Variants in KANK1 observed in about 807,000 individuals in gnomAD.
KANK1 encodes KN motif and ankyrin repeat domain-containing protein 1.
KANK1 carries 109 observed loss-of-function variants against 106.2 expected under a neutral mutation model. The observed-to-expected ratio is 1.03, with a 90% confidence interval of 0.88 to 1.20. The LOEUF is 1.20. KANK1 is among the 50% of genes most tolerant of loss of function. The pLI, the probability that KANK1 is intolerant of heterozygous loss-of-function variation, is 0.00. For synonymous variants in KANK1, 873 were observed against 652.2 expected (o/e 1.34, Z -5.16); for missense variants, 2,399 against 1,710.7 (o/e 1.40, Z -7.10).
rs567409190 is a variant in KANK1, at chr9:724,041, C to A, written c.2699-6010C>A. Among the ~76,000 whole-genome samples, 6 of 150,764 alleles carry A rather than the reference C, an allele frequency of 4.0e-5. No individual in the cohort carries two copies. In the South Asian group the frequency reaches 1.3e-3, roughly 32 times the overall value. On this transcript the variant is annotated intron_variant, in intron 3 of 11. Transcript: ENST00000382297. ...TTGATTAAGCCTGGGAGACAGGTTG[C>A]GGTGAGCAGAGATCACGCCACTGCA...
chr9:497,430 T>TCACACACACACACA (rs112024846), intron 3 of KANK1, among the ~76,000 whole-genome samples: 25 of 150,832 alleles, frequency 1.7e-4, no homozygotes, highest in African/African-American at 5.4e-4. Flanking sequence ...ATGTGACTCT[T>TCACACACACACACA]CACACACACA....
intron 7 of KANK1, among the ~76,000 whole-genome samples, chr9:736,571 T>C (rs1833854727): frequency 6.6e-6 from 1 of 151,972 alleles, no homozygotes; most frequent in African/African-American, 2.4e-5. Flanking sequence ...TGATGGCATG[T>C]ACCCATGGTC....
intron 1 of KANK1, among the ~76,000 whole-genome samples, chr9:522,567 G>A (rs1052550395): frequency 1.3e-5 from 2 of 151,728 alleles, no homozygotes; most frequent in African/African-American, 4.9e-5. Flanking sequence ...GGGTCCTGGT[G>A]TACCCCAGGG....
intron 1 of KANK1, among the ~76,000 whole-genome samples, chr9:643,063 G>C (rs1272225539): frequency 6.6e-6 from 1 of 150,688 alleles, no homozygotes; most frequent in Admixed American, 6.6e-5. Context: ...AATAGCACAG[G>C]ATAGGTCATT....
chr9:634,228 G>A (rs1242396801), intron 1 of KANK1, among the ~76,000 whole-genome samples: 2 of 152,182 alleles, frequency 1.3e-5, no homozygotes, highest in East Asian at 3.8e-4. Context: ...GGATAGTTTG[G>A]TGAGCGGAGG....
intron 1 of KANK1, among the ~76,000 whole-genome samples, chr9:532,520 C>G (rs1224912409): frequency 6.6e-6 from 1 of 151,888 alleles, no homozygotes; most frequent in African/African-American, 2.4e-5. Flanking sequence ...CCATTCAACC[C>G]TTAACTCCCC....
chr9:484,105 C>T (rs1462053301), intron 3 of KANK1, among the ~76,000 whole-genome samples: 1 of 152,206 alleles, frequency 6.6e-6, no homozygotes, highest in Non-Finnish European at 1.5e-5. Flanking sequence ...CTCCTCCCTG[C>T]TTCTGCACTT....
At chr9:694,976 T>C (rs1369281962) in intron 2 of KANK1, among the ~76,000 whole-genome samples, 1 of 152,168 alleles carries the variant, frequency 6.6e-6, no homozygotes, top group Non-Finnish European at 1.5e-5. Flanking sequence ...AGTCGACAGT[T>C]ACTCATAGCC....
At chr9:698,113 A>C (rs373959047) in intron 2 of KANK1, among the ~76,000 whole-genome samples, 5 of 152,148 alleles carry the variant, frequency 3.3e-5, no homozygotes, top group African/African-American at 9.7e-5. Flanking sequence ...CTGTTGGCCA[A>C]TTCAGGCCCT....
Position 712,583 on chromosome 9 carries a change from C to T in KANK1, c.1817C>T (p.Thr606Ile). 1 of 1,614,152 alleles carries T rather than the reference C, an allele frequency of 6.2e-7. No individual in the cohort carries two copies. Among genetic ancestry groups the T allele is most frequent in the Non-Finnish European group, 8.5e-7 (1 of 1,180,032 alleles). Residue 606 changes from threonine to isoleucine, a missense_variant, in exon 3 of 12, where the codon ACA (threonine) becomes ATA (isoleucine). Transcript: ENST00000382297. ...AGCGTCTGCGAAACAGGCAGCAACA[C>T]AGAGGAGTCTGTGAACGACCTCACA... ...EVSVCETGSN[T>I]EESVNDLTLL...
chr9:739,453 C>T (rs1834755280), intron 8 of KANK1, among the ~76,000 whole-genome samples: 1 of 152,170 alleles, frequency 6.6e-6, no homozygotes. Context: ...GCAGATTTAT[C>T]CTTCCTTTCT....
At chr9:557,959 C>T (rs969649711) in intron 1 of KANK1, among the ~76,000 whole-genome samples, 2 of 151,974 alleles carry the variant, frequency 1.3e-5, no homozygotes, top group South Asian at 2.1e-4. Context: ...GAGCTATGAT[C>T]GCGCCACTGC....
In KANK1 at chr9:738,413, C is replaced by G; in HGVS notation, c.3462C>G (p.Val1154=). 1 of 1,614,136 alleles carries G rather than the reference C, an allele frequency of 6.2e-7. No individual in the cohort carries two copies. Among genetic ancestry groups the G allele is most frequent in the African/African-American group, 1.3e-5 (1 of 75,030 alleles). The change falls in exon 8 of 12, where the codon GTC becomes GTG. Residue 1154 remains valine (V), a synonymous_variant. Coordinates refer to ENST00000382297, the MANE Select transcript of KANK1 (RefSeq NM_015158.5). ...TTTCCCCAGATGTCCTCCGCTATGT[C>G]ATCAACTTGGCAGACGGCAACGGCA... ...EAISPDVLRY[V]INLADGNGNT...
chr9:631,297 C>T (rs969344257), intron 1 of KANK1, among the ~76,000 whole-genome samples: 3 of 152,182 alleles, frequency 2.0e-5, no homozygotes, highest in Admixed American at 6.5e-5. Context: ...AAATGCTGTG[C>T]GGCCTCATTA....
At chr9:611,563 T>G (rs1830559605) in intron 1 of KANK1, among the ~76,000 whole-genome samples, 2 of 152,332 alleles carry the variant, frequency 1.3e-5, no homozygotes, top group African/African-American at 4.8e-5. Context: ...CTTAATAACA[T>G]AGGTATGTCG....
At chr9:569,179 G>T (rs1205487416) in intron 1 of KANK1, among the ~76,000 whole-genome samples, 2 of 141,478 alleles carry the variant, frequency 1.4e-5, no homozygotes, top group African/African-American at 4.9e-5. Context: ...CCTCCCCTCT[G>T]TTTTATCAAC....
intron 1 of KANK1, among the ~76,000 whole-genome samples, chr9:516,037 T>G (rs946139736): frequency 6.6e-6 from 1 of 151,790 alleles, no homozygotes; most frequent in Non-Finnish European, 1.5e-5. Flanking sequence ...GTCATCTAGC[T>G]TTGTACTTCT....
At chr9:686,010 T>C (rs1264688588) in intron 2 of KANK1, among the ~76,000 whole-genome samples, 1 of 152,102 alleles carries the variant, frequency 6.6e-6, no homozygotes, top group Non-Finnish European at 1.5e-5. Flanking sequence ...TTTAAGACTC[T>C]CCAGGAAGAA....
intron 1 of KANK1, among the ~76,000 whole-genome samples, chr9:642,478 A>G (rs79846075): frequency 0.092 from 13,820 of 150,908 alleles, 1,560 homozygotes; most frequent in African/African-American, 0.21. Flanking sequence ...CTGGTTTTGA[A>G]CAAGTGTTTG....
Sources: allele counts gnomAD v4.1 joint callset (sites outside exome capture counted in the v4.1 genomes callset), GRCh38; gene constraint gnomAD v4.1.1; transcripts MANE v1.5; gene names NCBI Gene and HGNC (gene_info 2026-07-23, HGNC 2026-07-21).